ATP2B2: variants seen among roughly 807,000 people sequenced by gnomAD.
The protein encoded by ATP2B2 is ATPase plasma membrane Ca2+ transporting 2.
ATP2B2 carries 15 observed loss-of-function variants against 120.0 expected under a neutral mutation model. The ratio of observed to expected loss-of-function variants is 0.12; its 90% CI spans 0.08 to 0.19. The LOEUF is 0.19. ATP2B2 is among the 10% of genes least tolerant of loss of function. The pLI, the probability that ATP2B2 is intolerant of heterozygous loss-of-function variation, is 1.00. For missense variants in ATP2B2, 1,045 were observed against 1,719.8 expected (o/e 0.61, Z 6.94); for synonymous variants, 694 against 700.3 (o/e 0.99, Z 0.14).
Position 10,411,436 on chromosome 3 carries a change from CCA to C in ATP2B2, c.200-623_200-622del, listed in dbSNP as rs148215924. On this transcript the variant is annotated intron_variant, in intron 2 of 22. Coordinates refer to ENST00000360273, the MANE Select transcript of ATP2B2 (RefSeq NM_001001331.4). ...GCTGTGGCAGCCATGGGAAGCGAAT[CCA>C]CACTCCTACAGCCGCCTTGCGCTGG... Among the ~76,000 whole-genome samples the C allele has an allele frequency of 1.5e-4, 23 of 152,308 alleles. No individual in the cohort carries two copies. In the East Asian group the frequency reaches 3.1e-3, roughly 20 times the overall value.
Position 10,537,401 on chromosome 3 carries a change from T to C in ATP2B2, c.-414-3268A>G, listed in dbSNP as rs146558938. Reference sequence around the variant, plus strand: ...TGTTTAATAATTTTCATCATACAAATCCTATAGATTGGTTAAATTTATACC... The same window carrying C: ...TGTTTAATAATTTTCATCATACAAACCCTATAGATTGGTTAAATTTATACC... On this transcript the variant is annotated intron_variant, in intron 2 of 21. Coordinates refer to the ATP2B2 transcript ENST00000646379. 7.7e-3 allele frequency among the ~76,000 whole-genome samples: 1,169 copies of C among 152,302 alleles called. 15 individuals carry two copies. Among genetic ancestry groups the C allele is most frequent in the African/African-American group, 0.026 (1,090 of 41,560 alleles).
intron 1 of ATP2B2, among the ~76,000 whole-genome samples, chr3:10,477,110 C>T (rs540529439): frequency 3.0e-4 from 46 of 152,360 alleles, no homozygotes; most frequent in Middle Eastern, 3.4e-3. Flanking sequence ...CCAGGCCAGG[C>T]CTCACCATGC....
chr3:10,560,651 C>T (rs150276589), intron 2 of ATP2B2, among the ~76,000 whole-genome samples: 2 of 152,318 alleles, frequency 1.3e-5, no homozygotes, highest in Non-Finnish European at 2.9e-5. Flanking sequence ...CCCTCTGCTA[C>T]CACCTCCTTT....
chr3:10,442,725 G>A (rs1422447442), intron 2 of ATP2B2, among the ~76,000 whole-genome samples: 2 of 152,138 alleles, frequency 1.3e-5, no homozygotes, highest in Non-Finnish European at 2.9e-5. Context: ...TACCAAACAA[G>A]CTGCCTTTCT....
chr3:10,535,287 T>C (rs2067290622), intron 2 of ATP2B2, among the ~76,000 whole-genome samples: 1 of 152,124 alleles, frequency 6.6e-6, no homozygotes, highest in Non-Finnish European at 1.5e-5. Flanking sequence ...TGCACCTCCC[T>C]CCAGACTTCC....
intron 1 of ATP2B2, among the ~76,000 whole-genome samples, chr3:10,637,165 C>T (rs1412339842): frequency 6.6e-6 from 1 of 152,202 alleles, no homozygotes; most frequent in Non-Finnish European, 1.5e-5. Flanking sequence ...TAGGATCAAA[C>T]TGTCTCCAAG....
chr3:10,532,299 G>A (rs1284984298), intron 3 of ATP2B2, among the ~76,000 whole-genome samples: 1 of 152,214 alleles, frequency 6.6e-6, no homozygotes, highest in Non-Finnish European at 1.5e-5. Context: ...CGCACATAGA[G>A]AGTGCTCAAT....
chr3:10,609,440 C>A (rs561658946), intron 2 of ATP2B2, among the ~76,000 whole-genome samples: 2 of 152,194 alleles, frequency 1.3e-5, no homozygotes, highest in Admixed American at 6.5e-5. Context: ...GCCTCCTCGG[C>A]GCGCCTGGCT....
intron 1 of ATP2B2, among the ~76,000 whole-genome samples, chr3:10,620,868 G>T (rs138502209): frequency 4.9e-4 from 75 of 152,328 alleles, no homozygotes; most frequent in Non-Finnish European, 8.5e-4. Context: ...CAGGATACCA[G>T]TGCTGAGCAG....
rs940467462 is a variant in ATP2B2 at position 10,343,361 on chromosome 3, C to T, written c.2704-396G>A. Reference sequence around the variant, plus strand: ...TACCTCCTCCCCCCACTGCCTCCTCCCCCTCGGGCTTTCTATCCTACAAAC... The same window carrying T: ...TACCTCCTCCCCCCACTGCCTCCTCTCCCTCGGGCTTTCTATCCTACAAAC... On this transcript the variant is annotated intron_variant, in intron 18 of 22. Coordinates refer to ENST00000360273, the MANE Select transcript of ATP2B2 (RefSeq NM_001001331.4). This position sits in a 1 kb window ranked among gnomAD's most constrained non-coding sequence, Gnocchi z 4.2. Among the ~76,000 whole-genome samples, 2 of 151,640 alleles carry T rather than the reference C, an allele frequency of 1.3e-5. No individual in the cohort carries two copies. Among genetic ancestry groups the T allele is most frequent in the East Asian group, 1.9e-4 (1 of 5,136 alleles).
chr3:10,479,525 G>C (rs1214813192), intron 1 of ATP2B2, among the ~76,000 whole-genome samples: 1 of 151,862 alleles, frequency 6.6e-6, no homozygotes, highest in East Asian at 1.9e-4. Context: ...GTGACTGTTG[G>C]ATTGTTTGAT....
intron 2 of ATP2B2, among the ~76,000 whole-genome samples, chr3:10,436,446 A>G (rs2063483303): frequency 6.6e-6 from 1 of 152,216 alleles, no homozygotes; most frequent in South Asian, 2.1e-4. Flanking sequence ...GGAAATCAGC[A>G]CCCACTGCAA....
At chr3:10,605,287 C>T (rs547466228) in intron 2 of ATP2B2, among the ~76,000 whole-genome samples, 1 of 152,328 alleles carries the variant, frequency 6.6e-6, no homozygotes, top group Admixed American at 6.5e-5. Flanking sequence ...TTCCATACGT[C>T]CTCTCATTTA....
intron 2 of ATP2B2, among the ~76,000 whole-genome samples, chr3:10,426,402 G>T (rs1279035634): frequency 6.6e-6 from 1 of 152,210 alleles, no homozygotes; most frequent in African/African-American, 2.4e-5. Context: ...TAACTCCAAA[G>T]CAACGTCTGC....
chr3:10,690,849 C>G (rs1181229993), intron 1 of ATP2B2, among the ~76,000 whole-genome samples: 1 of 152,152 alleles, frequency 6.6e-6, no homozygotes, highest in Non-Finnish European at 1.5e-5. Context: ...AGGCCCACAC[C>G]CATTTTAAGA....
chr3:10,370,644 T>A (rs1293216734), intron 12 of ATP2B2, among the ~76,000 whole-genome samples: 2 of 152,322 alleles, frequency 1.3e-5, no homozygotes, highest in East Asian at 3.9e-4. Flanking sequence ...CTTGGCTCTT[T>A]GCTGCTGACT....
intron 1 of ATP2B2, among the ~76,000 whole-genome samples, chr3:10,649,580 C>G (rs983727662): frequency 6.6e-6 from 1 of 152,168 alleles, no homozygotes; most frequent in Non-Finnish European, 1.5e-5. Flanking sequence ...TTCTCTCTGA[C>G]CTCAGCTCAG....
chr3:10,587,218 C>T (rs946917138), intron 2 of ATP2B2, among the ~76,000 whole-genome samples: 9 of 152,030 alleles, frequency 5.9e-5, no homozygotes, highest in African/African-American at 1.7e-4. Flanking sequence ...GGTGGGAGAA[C>T]CAGCTGAGCC....
chr3:10,455,566 C>G (rs145414005), intron 1 of ATP2B2, among the ~76,000 whole-genome samples: 2 of 152,178 alleles, frequency 1.3e-5, no homozygotes, highest in East Asian at 1.9e-4. Flanking sequence ...TTCCTTGAGT[C>G]CCCCCTGCTC....
Sources: gnomAD v4.1 joint callset for allele counts (sites outside exome capture counted in the v4.1 genomes callset) on GRCh38, gnomAD v4.1.1 for gene constraint, Gnocchi (gnomAD v3.1) non-coding constraint, MANE v1.5 for transcripts, NCBI Gene and HGNC (gene_info 2026-07-23, HGNC 2026-07-21) for gene names.